The following KLHL32 variants were observed in gnomAD, a reference collection of about 807,000 sequenced individuals.
The protein encoded by KLHL32 is kelch like family member 32.
KLHL32 carries 35 observed loss-of-function variants against 64.8 expected under a neutral mutation model. The ratio of observed to expected loss-of-function variants is 0.54; its 90% CI spans 0.41 to 0.72. The LOEUF (loss-of-function observed/expected upper bound fraction) is 0.72. KLHL32 is among the 30% of genes least tolerant of loss of function. KLHL32 has a pLI of 0.00. For missense variants in KLHL32, 589 were observed against 768.5 expected, an observed-to-expected ratio of 0.77 and a Z score of 2.76; for synonymous variants, 259 against 281.0, an observed-to-expected ratio of 0.92 and a Z score of 0.78.
At chr6:96,957,418 A>G (rs1443512050) in intron 1 of KLHL32, among the ~76,000 whole-genome samples, 1 of 152,172 alleles carries the variant, frequency 6.6e-6, no homozygotes, top group Admixed American at 6.5e-5. Context: ...TTGTCATATT[A>G]TAAAGTAATA....
At chr6:97,138,896 A>G (rs1800366152) in intron 10 of KLHL32, among the ~76,000 whole-genome samples, 1 of 152,358 alleles carries the variant, frequency 6.6e-6, no homozygotes, top group South Asian at 2.1e-4. Context: ...GCTTATAAAT[A>G]TACATGTATG....
chr6:96,965,990 T>C (rs1774413047), intron 1 of KLHL32, among the ~76,000 whole-genome samples: 1 of 152,230 alleles, frequency 6.6e-6, no homozygotes, highest in Non-Finnish European at 1.5e-5. Context: ...AAGTATGCAG[T>C]CATACCAATT....
intron 3 of KLHL32, chr6:97,025,054 T>A (rs1418158372): frequency 4.1e-6 from 4 of 985,074 alleles, no homozygotes; most frequent in East Asian, 2.3e-4. Flanking sequence ...ATAATAAAGC[T>A]GATGGAATTT....
intron 3 of KLHL32, among the ~76,000 whole-genome samples, chr6:97,035,139 TA>T (rs925038221): frequency 1.3e-5 from 2 of 152,086 alleles, no homozygotes; most frequent in Non-Finnish European, 2.9e-5. Flanking sequence ...ATATCTATTA[TA>T]AGTTTTTTTC....
the KLHL32 span, among the ~76,000 whole-genome samples, chr6:96,899,398 C>T: frequency 2.6e-4 from 40 of 152,218 alleles, no homozygotes; most frequent in African/African-American, 8.2e-4. Context: ...GGTAGCAATT[C>T]GACTCACTGC....
chr6:97,139,241 C>A lies in KLHL32; in HGVS notation c.1822C>A (p.Gln608Lys). The A allele has an allele frequency of 6.2e-7, 1 of 1,614,026 alleles. No individual in the cohort carries two copies. The highest frequency in any genetic ancestry group is 1.7e-5 in the Admixed American group (1 of 60,012). Residue 608 changes from glutamine to lysine, a missense_variant, in exon 11 of 11, where the codon CAA becomes AAA. Gln to Lys is a moderately conservative substitution (Grantham distance 53). Coordinates refer to ENST00000369261, the MANE Select transcript of KLHL32 (RefSeq NM_052904.4). ...TCCATATTTTACATGCCCTAACCTT[C>A]AAACTCTTCAAGTGCCTCATCACAG... The part of the protein sequence containing the change: ...PAPYFTCPNL[Q>K]TLQVPHHRIG...
chr6:96,971,747 G>T (rs112494712), intron 2 of KLHL32, among the ~76,000 whole-genome samples: 1 of 152,016 alleles, frequency 6.6e-6, no homozygotes, highest in South Asian at 2.1e-4. Flanking sequence ...AAAAAACAGA[G>T]GGACATATAT....
chr6:96,932,575 C>CCTTT (rs1554201325), intron 1 of KLHL32, among the ~76,000 whole-genome samples: 1 of 73,820 alleles, frequency 1.4e-5, no homozygotes, highest in Non-Finnish European at 2.4e-5. Flanking sequence ...CCCCCCCCCC[C>CCTTT]TTTTTTTTTT....
intron 1 of KLHL32, among the ~76,000 whole-genome samples, chr6:96,951,370 G>A (rs1426871565): frequency 6.6e-6 from 1 of 152,032 alleles, no homozygotes. Context: ...TACTATAAGG[G>A]GACAGCAGCA....
In KLHL32 at chr6:97,053,339, C is replaced by A. The variant is rs182161519; in HGVS notation, c.313-11289C>A. On this transcript the variant is annotated intron_variant, in intron 4 of 10. Coordinates refer to ENST00000369261, the MANE Select transcript of KLHL32 (RefSeq NM_052904.4). ...AGGCATGAATGCTACAGCCCATTAG[C>A]TCTGCCTATGAAAATGAAGTGCCTC... is the stretch of plus-strand genomic sequence containing the variant. Among the ~76,000 whole-genome samples, 236 of 152,282 alleles carry A rather than the reference C, an allele frequency of 1.5e-3. 1 individual carries two copies. The highest frequency in any genetic ancestry group is 5.4e-3 in the African/African-American group (223 of 41,564).
chr6:97,017,075 G>T (rs2128100055), intron 3 of KLHL32, among the ~76,000 whole-genome samples: 1 of 152,210 alleles, frequency 6.6e-6, no homozygotes, highest in East Asian at 1.9e-4. Context: ...GTGTGAAAAT[G>T]GACTAAATAC....
intron 5 of KLHL32, among the ~76,000 whole-genome samples, chr6:97,071,113 C>A (rs1790647160): frequency 1.3e-5 from 2 of 152,258 alleles, no homozygotes; most frequent in South Asian, 4.1e-4. Context: ...CTTCATCTCT[C>A]ATTACCGCAG....
At chr6:96,910,490 A>G in the KLHL32 span, among the ~76,000 whole-genome samples, 1 of 152,228 alleles carries the variant, frequency 6.6e-6, no homozygotes, top group African/African-American at 2.4e-5. Flanking sequence ...CTTCCCAACT[A>G]TATGTGGAGC....
chr6:97,019,987 G>A (rs372678106), intron 3 of KLHL32, among the ~76,000 whole-genome samples: 29 of 142,938 alleles, frequency 2.0e-4, no homozygotes, highest in Non-Finnish European at 3.6e-4. Context: ...TTGCTCTGTC[G>A]CCCAGGCTAG....
At chr6:96,908,048 G>T in the KLHL32 span, among the ~76,000 whole-genome samples, 34,863 of 152,160 alleles carry the variant, frequency 0.23, 4,628 homozygotes, top group East Asian at 0.37. Context: ...TGAGGCAGAA[G>T]CGTGCTTGAC....
At chr6:97,137,909 G>A (rs565320303) in intron 10 of KLHL32, among the ~76,000 whole-genome samples, 179 of 152,240 alleles carry the variant, frequency 1.2e-3, no homozygotes, top group African/African-American at 4.2e-3. Flanking sequence ...CATTAAAGAC[G>A]CGTACAAAGA....
At chr6:97,018,367 G>C (rs1781519777) in intron 3 of KLHL32, among the ~76,000 whole-genome samples, 1 of 151,336 alleles carries the variant, frequency 6.6e-6, no homozygotes, top group Non-Finnish European at 1.5e-5. Flanking sequence ...CAGGCGGATC[G>C]CCTGAGGTCA....
At chr6:96,924,625 C>T (rs1768902412), upstream of KLHL32, 2 of 152,110 alleles carry the variant, frequency 1.3e-5, no homozygotes, top group Non-Finnish European at 2.9e-5. Context: ...CCTGTGGCGT[C>T]TGAACCCGCC....
intron 6 of KLHL32, among the ~76,000 whole-genome samples, chr6:97,109,369 A>T: frequency 6.6e-6 from 1 of 152,228 alleles, no homozygotes. Context: ...TAAGATAAAA[A>T]TATCTCAGAA....
Sources: gnomAD v4.1 joint callset for allele counts (sites outside exome capture counted in the v4.1 genomes callset) on GRCh38, gnomAD v4.1.1 for gene constraint, MANE v1.5 for transcripts, NCBI Gene and HGNC (gene_info 2026-07-23, HGNC 2026-07-21) for gene names.